Variants in EEFSEC observed in about 807,000 individuals in gnomAD.
EEFSEC encodes the protein eukaryotic elongation factor, selenocysteine-tRNA specific, also known as selenocysteine-specific elongation factor.
In EEFSEC, 43 loss-of-function variants were observed where a neutral mutation model predicts 42.1. That is an observed-to-expected ratio of 1.02 (90% CI 0.80 to 1.32). The LOEUF (loss-of-function observed/expected upper bound fraction) is 1.32, where lower values mean the gene tolerates loss of function less well. Among genes scored for constraint, EEFSEC ranks in the 40% most tolerant of loss-of-function variants. EEFSEC has a pLI of 0.00. For synonymous variants in EEFSEC, 354 were observed against 339.1 expected (o/e 1.04, Z -0.48); for missense variants, 745 against 803.6 (o/e 0.93, Z 0.88).
At chr3:128,249,056 C>T (rs191301112) in intron 2 of EEFSEC, among the ~76,000 whole-genome samples, 154 of 152,342 alleles carry the variant, frequency 1.0e-3, no homozygotes, top group African/African-American at 3.5e-3. Context: ...AAGCAAAGAA[C>T]TTCTTTAAAT....
At chr3:128,364,344 GA>G (rs1213271191) in intron 6 of EEFSEC, among the ~76,000 whole-genome samples, 1 of 152,202 alleles carries the variant, frequency 6.6e-6, no homozygotes, top group Non-Finnish European at 1.5e-5. Context: ...GGGAATGGGG[GA>G]AAGTGGCCAT....
At chr3:128,161,649 T>C (rs2065188799) in intron 1 of EEFSEC, among the ~76,000 whole-genome samples, 1 of 152,194 alleles carries the variant, frequency 6.6e-6, no homozygotes, top group African/African-American at 2.4e-5. Flanking sequence ...GGAGAGAACA[T>C]TCTTTGTAAA....
At chr3:128,403,436 C>T (rs1402271280) in intron 6 of EEFSEC, among the ~76,000 whole-genome samples, 8 of 152,152 alleles carry the variant, frequency 5.3e-5, no homozygotes, top group African/African-American at 1.2e-4. Flanking sequence ...CCTAGCAGAG[C>T]GGGTGGCAGA....
At chr3:128,404,570 T>A (rs974519149) in intron 6 of EEFSEC, among the ~76,000 whole-genome samples, 1 of 152,018 alleles carries the variant, frequency 6.6e-6, no homozygotes, top group Non-Finnish European at 1.5e-5. Context: ...AGCTACCTGC[T>A]CTGTTTGCAG....
At chr3:128,414,033 G>A in the EEFSEC span, among the ~76,000 whole-genome samples, 6,590 of 152,318 alleles carry the variant, frequency 0.043, 483 homozygotes, top group African/African-American at 0.15. Flanking sequence ...GCTCCGACCC[G>A]CCTGTCTTCA....
intron 5 of EEFSEC, among the ~76,000 whole-genome samples, chr3:128,355,024 G>A (rs2067434727): frequency 6.6e-6 from 1 of 152,200 alleles, no homozygotes; most frequent in Non-Finnish European, 1.5e-5. Flanking sequence ...CAGATGAATC[G>A]TGTCTCCCAA....
chr3:128,342,320 G>C (rs1461685010), intron 5 of EEFSEC, among the ~76,000 whole-genome samples: 1 of 152,246 alleles, frequency 6.6e-6, no homozygotes, highest in Non-Finnish European at 1.5e-5. Flanking sequence ...GCTGGGATCT[G>C]CCCATGTGCC....
chr3:128,396,056 G>T (rs2067977724), intron 6 of EEFSEC, among the ~76,000 whole-genome samples: 1 of 152,176 alleles, frequency 6.6e-6, no homozygotes, highest in Non-Finnish European at 1.5e-5. Context: ...CTGCCTTCAG[G>T]ACCTGAGATG....
At chr3:128,226,992 G>A (rs2065914242) in intron 1 of EEFSEC, among the ~76,000 whole-genome samples, 1 of 152,254 alleles carries the variant, frequency 6.6e-6, no homozygotes, top group South Asian at 2.1e-4. Context: ...TCCACCAGGG[G>A]GCCCCCCTGC....
chr3:128,212,328 C>G (rs1433961466), intron 1 of EEFSEC, among the ~76,000 whole-genome samples: 2 of 152,188 alleles, frequency 1.3e-5, no homozygotes, highest in South Asian at 2.1e-4. Context: ...CTGCCACTAC[C>G]TTTAGTACCA....
At chr3:128,305,618 A>T (rs1299480828) in intron 4 of EEFSEC, among the ~76,000 whole-genome samples, 1 of 151,852 alleles carries the variant, frequency 6.6e-6, no homozygotes, top group South Asian at 2.1e-4. Flanking sequence ...CTATTAAGTT[A>T]TATCTTCAAA....
At chr3:128,306,825 C>T (rs2108012751) in intron 4 of EEFSEC, among the ~76,000 whole-genome samples, 1 of 152,370 alleles carries the variant, frequency 6.6e-6, no homozygotes, top group African/African-American at 2.4e-5. Flanking sequence ...TCCAAGGTCA[C>T]TCAATTGCTA....
At chr3:128,186,665 T>TA (rs1007259099) in intron 1 of EEFSEC, among the ~76,000 whole-genome samples, 16 of 152,216 alleles carry the variant, frequency 1.1e-4, no homozygotes, top group Non-Finnish European at 2.4e-4. Flanking sequence ...CAGTTTTTGT[T>TA]AAAAAAACTG....
At position 128,255,389 on chromosome 3, in the gene EEFSEC, A is replaced by G. The variant is rs142948003; in HGVS notation, c.525-6739A>G. ...CAGAGGAAAGCGATTGCAAGGGAAG[A>G]GCACTGAGTTGACCACTGGGAGCTG... On this transcript the variant is annotated intron_variant, in intron 2 of 6. Coordinates refer to ENST00000254730, the MANE Select transcript of EEFSEC (RefSeq NM_021937.5). Among the ~76,000 whole-genome samples, 8 of 152,288 alleles carry G rather than the reference A, an allele frequency of 5.3e-5. No individual in the cohort carries two copies. The East Asian group carries it at 1.4e-3, about 26-fold the overall frequency.
chr3:128,166,176 C>T (rs556237294), intron 1 of EEFSEC, among the ~76,000 whole-genome samples: 1 of 152,356 alleles, frequency 6.6e-6, no homozygotes, highest in African/African-American at 2.4e-5. Context: ...CACAGGAAGA[C>T]TGGAAGGGAG....
At chr3:128,267,804 GACTTCTAT>G (rs1214996040) in intron 4 of EEFSEC, among the ~76,000 whole-genome samples, 1 of 152,206 alleles carries the variant, frequency 6.6e-6, no homozygotes, top group African/African-American at 2.4e-5. Flanking sequence ...AATAGAGATG[GACTTCTAT>G]AGCAAAGTTA....
chr3:128,368,444 C>CAA (rs531725881), intron 6 of EEFSEC, among the ~76,000 whole-genome samples: 22 of 46,460 alleles, frequency 4.7e-4, no homozygotes, highest in African/African-American at 2.1e-3. Context: ...CCAAAAAAAA[C>CAA]AAAAAAAAAA....
chr3:128,300,981 A>G (rs1013562496), intron 4 of EEFSEC, among the ~76,000 whole-genome samples: 3 of 151,876 alleles, frequency 2.0e-5, no homozygotes, highest in Admixed American at 6.6e-5. Context: ...ATTTAAGCTG[A>G]TTTCAGGTTT....
chr3:128,184,265 A>G (rs922430450), intron 1 of EEFSEC, among the ~76,000 whole-genome samples: 1 of 152,226 alleles, frequency 6.6e-6, no homozygotes, highest in African/African-American at 2.4e-5. Flanking sequence ...TTGTAGTGCA[A>G]CCATCACTGC....
Sources: gnomAD v4.1 joint callset for allele counts (sites outside exome capture counted in the v4.1 genomes callset) on GRCh38, gnomAD v4.1.1 for gene constraint, MANE v1.5 for transcripts, NCBI Gene and HGNC (gene_info 2026-07-23, HGNC 2026-07-21) for gene names.